ADAM23: variants seen among roughly 807,000 people sequenced by gnomAD.
The protein encoded by ADAM23 is ADAM metallopeptidase domain 23.
In ADAM23, 33 loss-of-function variants were observed where a neutral mutation model predicts 120.1. That is an observed-to-expected ratio of 0.27 (90% CI 0.21 to 0.37). The LOEUF is 0.37. Among genes scored for constraint, ADAM23 ranks in the 10% least tolerant of loss-of-function variants. The pLI, the probability that ADAM23 is intolerant of heterozygous loss-of-function variation, is 1.00. For missense variants in ADAM23, 862 were observed against 1,058.2 expected, an observed-to-expected ratio of 0.81 and a Z score of 2.57; for synonymous variants, 367 against 375.2, an observed-to-expected ratio of 0.98 and a Z score of 0.25.
At chr2:206,533,784 TTAA>T in intron 4 of ADAM23, among the ~76,000 whole-genome samples, 1 of 152,170 alleles carries the variant, frequency 6.6e-6, no homozygotes, top group Middle Eastern at 3.2e-3. Context: ...TGGACATGGG[TTAA>T]AAGTGCTTCT....
Position 206,525,286 on chromosome 2 carries a change from A to G in ADAM23, c.510-5599A>G, listed in dbSNP as rs145102213. On this transcript the variant is annotated intron_variant, in intron 3 of 25. Transcript: ENST00000264377. The stretch of plus-strand genomic sequence containing the variant: ...TTCTCAGCAACTCACTCAATTTCCT[A>G]GTTAGAAATAAACTGAGTGCTTAAT... Among the ~76,000 whole-genome samples the G allele has an allele frequency of 4.5e-3, 684 of 152,244 alleles. 5 individuals carry two copies. The highest frequency in any genetic ancestry group is 0.015 in the African/African-American group (603 of 41,550).
intron 2 of ADAM23, among the ~76,000 whole-genome samples, chr2:206,476,948 A>G (rs1695787370): frequency 6.6e-6 from 1 of 152,168 alleles, no homozygotes; most frequent in African/African-American, 2.4e-5. Context: ...TATGTGTGAA[A>G]CATAGTTGCA....
chr2:206,524,639 C>A (rs1005797333), intron 3 of ADAM23, among the ~76,000 whole-genome samples: 2 of 152,208 alleles, frequency 1.3e-5, no homozygotes, highest in Admixed American at 1.3e-4. Flanking sequence ...TGGTGGCAGA[C>A]AAGAGAGAAT....
chr2:206,492,443 GTT>G (rs966362917), intron 3 of ADAM23, among the ~76,000 whole-genome samples: 34 of 152,190 alleles, frequency 2.2e-4, no homozygotes, highest in African/African-American at 7.0e-4. Context: ...GCCTTGGAGA[GTT>G]GAGACATTAT....
chr2:206,617,073 A>G (rs1160589502), intron 25 of ADAM23, among the ~76,000 whole-genome samples: 1 of 152,170 alleles, frequency 6.6e-6, no homozygotes, highest in African/African-American at 2.4e-5. Flanking sequence ...AAGAGCTCAC[A>G]CACCCAAGGC....
chr2:206,587,290 TGCTGA>T, intron 18 of ADAM23, 30 bp from the exon 19 acceptor site: 1 of 1,518,582 alleles, frequency 6.6e-7, no homozygotes, highest in Non-Finnish European at 9.1e-7. Context: ...GTACCTAGCA[TGCTGA>T]ATATTAACTA....
chr2:206,504,065 C>T (rs1030706607), intron 3 of ADAM23, among the ~76,000 whole-genome samples: 2 of 152,076 alleles, frequency 1.3e-5, no homozygotes, highest in African/African-American at 4.8e-5. Flanking sequence ...CTTGATATAA[C>T]TTTTATATAT....
At chr2:206,455,660 G>T (rs1695283471) in intron 2 of ADAM23, among the ~76,000 whole-genome samples, 1 of 152,154 alleles carries the variant, frequency 6.6e-6, no homozygotes, top group South Asian at 2.1e-4. Flanking sequence ...AAGCAGCCAG[G>T]TCACATCTTG....
At chr2:206,520,568 T>C (rs1696822314) in intron 3 of ADAM23, among the ~76,000 whole-genome samples, 1 of 152,172 alleles carries the variant, frequency 6.6e-6, no homozygotes, top group African/African-American at 2.4e-5. Context: ...CGGCCGTTAA[T>C]TGAATGAGTG....
intron 18 of ADAM23, among the ~76,000 whole-genome samples, chr2:206,576,463 T>C (rs1698114467): frequency 6.6e-6 from 1 of 152,128 alleles, no homozygotes; most frequent in South Asian, 2.1e-4. Flanking sequence ...AATTATACTG[T>C]TAAATTAATT....
intron 11 of ADAM23, among the ~76,000 whole-genome samples, 154 bp from the exon 12 acceptor site, chr2:206,560,974 T>C (rs530530247): frequency 6.6e-6 from 1 of 152,318 alleles, no homozygotes; most frequent in East Asian, 1.9e-4. Context: ...AAGGTAATTA[T>C]GTCATAAATT....
At chr2:206,614,926 T>G (rs1028780832) in intron 25 of ADAM23, among the ~76,000 whole-genome samples, 2 of 152,116 alleles carry the variant, frequency 1.3e-5, no homozygotes, top group African/African-American at 4.8e-5. Context: ...ACTTTCTCTT[T>G]CATGGTACCA....
intron 3 of ADAM23, among the ~76,000 whole-genome samples, chr2:206,500,567 G>A (rs1194101926): frequency 6.6e-6 from 1 of 152,122 alleles, no homozygotes; most frequent in Non-Finnish European, 1.5e-5. Flanking sequence ...AGCTCTATAG[G>A]TAATACCTTT....
At chr2:206,482,500 T>A (rs1439308679) in intron 3 of ADAM23, among the ~76,000 whole-genome samples, 1 of 152,148 alleles carries the variant, frequency 6.6e-6, no homozygotes, top group Non-Finnish European at 1.5e-5. Flanking sequence ...AACCCTGCTG[T>A]GTGTTTTGAG....
intron 24 of ADAM23, among the ~76,000 whole-genome samples, chr2:206,609,568 G>A (rs942065492): frequency 6.6e-6 from 1 of 152,140 alleles, no homozygotes; most frequent in Non-Finnish European, 1.5e-5. Flanking sequence ...TGTTCTCTCT[G>A]TGCTTTTACT....
At chr2:206,568,800 A>G (rs1372397275) in intron 15 of ADAM23, among the ~76,000 whole-genome samples, 1 of 152,258 alleles carries the variant, frequency 6.6e-6, no homozygotes, top group Non-Finnish European at 1.5e-5. Flanking sequence ...GAGCAGCGAA[A>G]TAATGTTAAC....
intron 24 of ADAM23, chr2:206,605,872 G>A (rs1574562868): frequency 1.5e-6 from 1 of 680,370 alleles, no homozygotes; most frequent in South Asian, 1.6e-5. Context: ...GCACAGGGTG[G>A]GGAATAGAGT....
At chr2:206,446,917 A>G (rs1695092764) in intron 2 of ADAM23, among the ~76,000 whole-genome samples, 1 of 152,202 alleles carries the variant, frequency 6.6e-6, no homozygotes, top group Non-Finnish European at 1.5e-5. Context: ...GATAAAATGC[A>G]TTGAGGCTTT....
intron 3 of ADAM23, among the ~76,000 whole-genome samples, chr2:206,501,258 A>C (rs923496823): frequency 6.6e-6 from 1 of 151,986 alleles, no homozygotes; most frequent in Admixed American, 6.6e-5. Flanking sequence ...TCTTATCCCT[A>C]TTGAGAGCTC....
Sources: allele counts gnomAD v4.1 joint callset (sites outside exome capture counted in the v4.1 genomes callset), GRCh38; gene constraint gnomAD v4.1.1; transcripts MANE v1.5; gene names NCBI Gene and HGNC (gene_info 2026-07-23, HGNC 2026-07-21).